Variants in PCDHGA7 observed in about 807,000 individuals in gnomAD.
PCDHGA7 encodes the protein protocadherin gamma subfamily A, 7, also known as protocadherin gamma-A7.
PCDHGA7 carries 44 observed loss-of-function variants against 58.3 expected under a neutral mutation model. That is an observed-to-expected ratio of 0.75 (90% CI 0.59 to 0.97). PCDHGA7 has a LOEUF of 0.97. PCDHGA7 is among the 50% of genes least tolerant of loss of function. The probability of loss-of-function intolerance (pLI) is 0.00; values close to 1 mark genes in which losing one functional copy is unlikely to be tolerated. For missense variants in PCDHGA7, 1,266 were observed against 1,188.7 expected (o/e 1.06, Z -0.96); for synonymous variants, 516 against 504.2 (o/e 1.02, Z -0.31).
Position 141,489,090 on chromosome 5 carries a change from C to CAAA in PCDHGA7, c.2425-5717_2425-5716insAAA. ...CCTGCCCACCCCCGCCACTCGGTGA[C>CAAA]TAAGAACTGCTGCAAGCAGGCAAAC... is the stretch of plus-strand genomic sequence containing the variant. On this transcript the variant is annotated intron_variant, in intron 1 of 3. Transcript: ENST00000518325. The surrounding 1 kb of genome is among the most constrained non-coding windows in gnomAD (Gnocchi z 4.5). 7 of 328,768 alleles carry CAAA rather than the reference C, an allele frequency of 2.1e-5. No homozygotes were observed. The highest frequency in any genetic ancestry group is 6.1e-5 in the Admixed American group (1 of 16,494). The allele number at this position is 328,768 out of a possible 1,614,324, so 20.4% of individuals were successfully genotyped here. A position where few individuals can be genotyped will look rare whatever the true frequency, so the allele number is the denominator to read the frequency against.
intron 1 of PCDHGA7, chr5:141,400,208 T>G: frequency 6.2e-7 from 1 of 1,614,042 alleles, no homozygotes; most frequent in South Asian, 1.1e-5. Context: ...GCCTTGGCCT[T>G]GATCTCAGTG....
chr5:141,437,800 C>G (rs963856257), intron 1 of PCDHGA7, among the ~76,000 whole-genome samples: 1 of 150,744 alleles, frequency 6.6e-6, no homozygotes, highest in African/African-American at 2.4e-5. Flanking sequence ...TGCAGTGGCA[C>G]TATCTTGGCT....
chr5:141,393,900 G>C (rs1048161107), intron 1 of PCDHGA7: 1 of 1,613,906 alleles, frequency 6.2e-7, no homozygotes, highest in Non-Finnish European at 8.5e-7. Context: ...TTCTCTTCCC[G>C]GGACAGTAAT....
chr5:141,421,207 A>G (rs1318794693), intron 1 of PCDHGA7: 3 of 1,533,934 alleles, frequency 2.0e-6, no homozygotes, highest in Non-Finnish European at 2.6e-6. Context: ...GAAACCGCGG[A>G]ATATCGGCTT....
At chr5:141,464,995 G>A (rs1330469198) in intron 1 of PCDHGA7, among the ~76,000 whole-genome samples, 1 of 151,962 alleles carries the variant, frequency 6.6e-6, no homozygotes, top group East Asian at 1.9e-4. Context: ...TCCCACCTCA[G>A]CCTCCCAAAG....
chr5:141,426,559 C>T (rs1401963895), intron 1 of PCDHGA7: 1 of 353,038 alleles, frequency 2.8e-6, no homozygotes, highest in Non-Finnish European at 5.6e-6. Context: ...CAGAATAGAT[C>T]GAGAGTCACT....
At chr5:141,454,997 A>G (rs2098809547) in intron 1 of PCDHGA7, among the ~76,000 whole-genome samples, 2 of 151,192 alleles carry the variant, frequency 1.3e-5, no homozygotes, top group Admixed American at 6.6e-5. Flanking sequence ...TATTTTTAGT[A>G]GAGACGGGGT....
chr5:141,498,437 G>C (rs996627716), intron 2 of PCDHGA7, among the ~76,000 whole-genome samples: 1 of 152,170 alleles, frequency 6.6e-6, no homozygotes, highest in Non-Finnish European at 1.5e-5. Flanking sequence ...GGGATGAAGA[G>C]GAGAGGTTCC....
At chr5:141,454,796 ATTTTTTTTTTTT>A (rs61612330) in intron 1 of PCDHGA7, among the ~76,000 whole-genome samples, 76 of 77,462 alleles carry the variant, frequency 9.8e-4, no homozygotes, top group African/African-American at 3.9e-3. Flanking sequence ...CATGGTTCTA[ATTTTTTTTTTTT>A]TTTTTTTTTT....
chr5:141,389,910 C>T (rs1417147488), intron 1 of PCDHGA7: 21 of 1,614,080 alleles, frequency 1.3e-5, no homozygotes, highest in Non-Finnish European at 1.7e-5. Flanking sequence ...TATCACTGAC[C>T]GCCCCGACCC....
chr5:141,406,307 T>C (rs2094791462), intron 1 of PCDHGA7, among the ~76,000 whole-genome samples: 1 of 152,088 alleles, frequency 6.6e-6, no homozygotes, highest in African/African-American at 2.4e-5. Flanking sequence ...GTGAACCACC[T>C]CACCCAGCAA....
intron 1 of PCDHGA7, chr5:141,403,596 C>T: frequency 6.2e-7 from 1 of 1,613,768 alleles, no homozygotes; most frequent in Non-Finnish European, 8.5e-7. Context: ...CTCACGGCCT[C>T]GGATGGCGGC....
chr5:141,504,848 C>G (rs181277525), intron 2 of PCDHGA7, among the ~76,000 whole-genome samples: 1 of 152,236 alleles, frequency 6.6e-6, no homozygotes, highest in Non-Finnish European at 1.5e-5. Context: ...CTGGAACATT[C>G]TCTTCCATTT....
rs2099634686 is a variant in PCDHGA7 at position 141,486,772 on chromosome 5, T to G, written c.2425-8035T>G. 1 of 1,614,246 alleles carries G rather than the reference T, an allele frequency of 6.2e-7. No individual in the cohort carries two copies. The highest frequency in any genetic ancestry group is 8.5e-7 in the Non-Finnish European group (1 of 1,180,042). Reference sequence around the variant, plus strand: ...ATGAGCAAACCCAGACACTGCAGTTTGAGGTGCAGGCCCGGGATCGGGGCA... The same window carrying G: ...ATGAGCAAACCCAGACACTGCAGTTGGAGGTGCAGGCCCGGGATCGGGGCA... On this transcript the variant is annotated intron_variant, in intron 1 of 3. Coordinates refer to ENST00000518325, the MANE Select transcript of PCDHGA7 (RefSeq NM_018920.4). This position sits in a 1 kb window ranked among gnomAD's most constrained non-coding sequence, Gnocchi z 5.0.
chr5:141,489,073 C>A lies in PCDHGA7; in HGVS notation c.2425-5734C>A, dbSNP rs2099681983. 3.2e-6 allele frequency: 1 copy of A among 315,630 alleles called. No individual in the cohort carries two copies. The highest frequency in any genetic ancestry group is 5.7e-6 in the Non-Finnish European group (1 of 173,976). 19.6% of individuals were successfully genotyped at this position (315,630 alleles called of 1,614,324 possible). A position where few individuals can be genotyped will look rare whatever the true frequency, so the allele number is the denominator to read the frequency against. ...ATTCAGCTCCCCTCCCCCCTGCCCA[C>A]CCCCGCCACTCGGTGACTAAGAACT... On this transcript the variant is annotated intron_variant, in intron 1 of 3. Coordinates refer to ENST00000518325, the MANE Select transcript of PCDHGA7 (RefSeq NM_018920.4). The surrounding 1 kb of genome is among the most constrained non-coding windows in gnomAD (Gnocchi z 4.5).
At chr5:141,495,010 G>T (rs1327870362) in intron 2 of PCDHGA7, 145 bp downstream of exon 2, 1 of 1,516,970 alleles carries the variant, frequency 6.6e-7, no homozygotes, top group Non-Finnish European at 8.9e-7. Flanking sequence ...GTGTGCGGGG[G>T]GCTGGCACAC....
chr5:141,485,826 G>A lies in PCDHGA7; in HGVS notation c.2425-8981G>A. The A allele has an allele frequency of 6.2e-7, 1 of 1,614,070 alleles. No individual in the cohort carries two copies. Among genetic ancestry groups the A allele is most frequent in the South Asian group, 1.1e-5 (1 of 91,078 alleles). Reference sequence around the variant, plus strand: ...CTGGTGCTGACTGCTGTCGATGGAGGGAACCCGCCGAGATCTGGCACCGCA... The same window carrying A: ...CTGGTGCTGACTGCTGTCGATGGAGAGAACCCGCCGAGATCTGGCACCGCA... On this transcript the variant is annotated intron_variant, in intron 1 of 3. Transcript: ENST00000518325. The surrounding 1 kb of genome is among the most constrained non-coding windows in gnomAD (Gnocchi z 5.7).
In PCDHGA7 at chr5:141,477,551, C is replaced by T. The variant is rs372055994; in HGVS notation, c.2425-17256C>T. ...CCTCCCCGGGGCTCCAATACTAAAC[C>T]TAAGTGTCTGGGACCCCGACGCCCC... On this transcript the variant is annotated intron_variant, in intron 1 of 3. Coordinates refer to ENST00000518325, the MANE Select transcript of PCDHGA7 (RefSeq NM_018920.4). The surrounding 1 kb of genome is among the most constrained non-coding windows in gnomAD (Gnocchi z 4.9). The T allele has an allele frequency of 8.1e-6, 13 of 1,614,060 alleles. No homozygotes were observed. Among genetic ancestry groups the T allele is most frequent in the Non-Finnish European group, 1.0e-5 (12 of 1,180,042 alleles).
chr5:141,503,024 A>G (rs574653661), intron 2 of PCDHGA7, among the ~76,000 whole-genome samples: 2 of 150,210 alleles, frequency 1.3e-5, no homozygotes, highest in South Asian at 2.1e-4. Context: ...TTTTTTTTTA[A>G]TATCTATTTT....
Sources: allele counts gnomAD v4.1 joint callset (sites outside exome capture counted in the v4.1 genomes callset), GRCh38; gene constraint gnomAD v4.1.1; non-coding constraint Gnocchi (gnomAD v3.1); transcripts MANE v1.5; gene names NCBI Gene and HGNC (gene_info 2026-07-23, HGNC 2026-07-21).